The following KIF23 variants were observed in gnomAD, a reference collection of about 807,000 sequenced individuals.
KIF23 encodes the protein kinesin family member 23, also known as kinesin-like protein KIF23.
A neutral mutation model predicts 137.5 loss-of-function variants in KIF23; 30 were observed. That is an observed-to-expected ratio of 0.22 (90% CI 0.16 to 0.30). The LOEUF is 0.30. Among genes scored for constraint, KIF23 ranks in the 10% least tolerant of loss-of-function variants. The pLI is 1.00. For missense variants in KIF23, 920 were observed against 1,194.3 expected (o/e 0.77, Z 3.38); for synonymous variants, 367 against 391.1 (o/e 0.94, Z 0.73).
At position 69,426,158 on chromosome 15, in the gene KIF23, G is replaced by A; in HGVS notation, c.865G>A (p.Glu289Lys). ...CTEVEVKSTE[E>K]AFEVFWRGQK... ...AGAAGTTGAAGTGAAATCTACTGAG[G>A]AGGCTTTTGAAGTTTTCTGGAGAGG... is the stretch of plus-strand genomic sequence containing the variant. The change falls in exon 9 of 24, where the codon GAG (glutamate) becomes AAG (lysine). Residue 289 changes from glutamate to lysine, a missense_variant. Transcript: ENST00000679126. 1 of 1,608,726 alleles carries A rather than the reference G, an allele frequency of 6.2e-7. No individual in the cohort carries two copies. The highest frequency in any genetic ancestry group is 8.5e-7 in the Non-Finnish European group (1 of 1,178,826).
chr15:69,433,699 C>T (rs2057406820), intron 11 of KIF23, among the ~76,000 whole-genome samples: 1 of 152,002 alleles, frequency 6.6e-6, no homozygotes, highest in Admixed American at 6.6e-5. Flanking sequence ...GATCTGCTGC[C>T]TTAGAGAATA....
chr15:69,414,943 C>A (rs188305599), intron 1 of KIF23: 20 of 158,864 alleles, frequency 1.3e-4, no homozygotes, highest in Non-Finnish European at 2.5e-4. Context: ...TTCTGGAGAG[C>A]CCTGGCACCG....
Position 69,440,456 on chromosome 15 carries a change from C to G in KIF23, c.2078C>G (p.Thr693Ser), listed in dbSNP as rs1191426334. Reference sequence around the variant, plus strand: ...CGGGAGCGAGATCGAGAAAAAGTTACTCAAAGATCTGTTTCTCCATCACCT... The same window carrying G: ...CGGGAGCGAGATCGAGAAAAAGTTAGTCAAAGATCTGTTTCTCCATCACCT... ...PSRERDREKV[T>S]QRSVSPSPVP... is the part of the protein sequence containing the mutation. The change falls in exon 18 of 24, where the codon ACT becomes AGT. Residue 693 changes from threonine (T) to serine (S), a missense_variant. This residue lies in a region of KIF23 where 714 missense variants were observed against 866.2 expected (regional missense o/e 0.82). Coordinates refer to ENST00000679126, the MANE Select transcript of KIF23 (RefSeq NM_001367805.3). 1 of 1,612,578 alleles carries G rather than the reference C, an allele frequency of 6.2e-7. No individual in the cohort carries two copies. The highest frequency in any genetic ancestry group is 8.5e-7 in the Non-Finnish European group (1 of 1,179,520).
At chr15:69,443,047 A>G (rs1287258552) in intron 19 of KIF23, among the ~76,000 whole-genome samples, 1 of 152,186 alleles carries the variant, frequency 6.6e-6, no homozygotes, top group Non-Finnish European at 1.5e-5. Context: ...ATGGTAGATG[A>G]TAAGGACCAG....
intron 3 of KIF23, among the ~76,000 whole-genome samples, chr15:69,420,263 CAA>C (rs993915353): frequency 2.1e-5 from 3 of 142,410 alleles, no homozygotes; most frequent in Non-Finnish European, 3.1e-5. Flanking sequence ...GACTCTGTTT[CAA>C]AAAAAAAAAG....
At chr15:69,434,932 T>C in intron 11 of KIF23, 1 of 684,190 alleles carries the variant, frequency 1.5e-6, no homozygotes, top group South Asian at 1.8e-5. Flanking sequence ...AGGTTGCAGC[T>C]GTACGCGGGC....
At chr15:69,440,740 C>A in intron 18 of KIF23, 28 bp from the exon 19 acceptor site, 1 of 1,554,772 alleles carries the variant, frequency 6.4e-7, no homozygotes, top group Non-Finnish European at 8.7e-7. Flanking sequence ...TTCAGTCTTG[C>A]TCATTAATTT....
intron 8 of KIF23, 99 bp downstream of exon 8, chr15:69,425,422 C>A: frequency 9.4e-7 from 1 of 1,062,912 alleles, no homozygotes. Context: ...TTTCCATTGT[C>A]ACTGGGCTGG....
chr15:69,440,642 A>C, intron 18 of KIF23, 126 bp from the exon 19 acceptor site: 1 of 1,123,194 alleles, frequency 8.9e-7, no homozygotes, highest in Non-Finnish European at 1.2e-6. Context: ...CAAATTTAGC[A>C]CAAAAAAATA....
chr15:69,444,920 A>T lies in KIF23; in HGVS notation c.2552A>T (p.His851Leu). The change falls in exon 20 of 24, where the codon CAT (histidine) becomes CTT (leucine). Residue 851 changes from histidine to leucine, a missense_variant. His to Leu is a moderately conservative substitution (Grantham distance 99). Transcript: ENST00000679126. The surrounding 1 kb of genome is among the most constrained non-coding windows in gnomAD (Gnocchi z 4.2). Reference protein sequence around the residue: ...NMQTETVMQPHVPHAITVSVA... With the variant: ...NMQTETVMQPLVPHAITVSVA... ...CAAACTGAAACAGTCATGCAGCCAC[A>T]TGTCCCTCATGCCATCACAGTATCT... 1 of 1,614,178 alleles carries T rather than the reference A, an allele frequency of 6.2e-7. No homozygotes were observed. Among genetic ancestry groups the T allele is most frequent in the Non-Finnish European group, 8.5e-7 (1 of 1,180,026 alleles).
In KIF23 at chr15:69,436,609, C is replaced by T. The variant is rs748902179; in HGVS notation, c.1484C>T (p.Pro495Leu). The T allele has an allele frequency of 1.8e-5, 29 of 1,612,374 alleles. No individual in the cohort carries two copies. In the Middle Eastern group the frequency reaches 1.5e-3, roughly 82 times the overall value. The change falls in exon 15 of 24, where the codon CCA (proline) becomes CTA (leucine). Residue 495 changes from proline to leucine, a missense_variant. Physicochemically the swap from Pro to Leu is moderately conservative, Grantham distance 98. Transcript: ENST00000679126. The stretch of plus-strand genomic sequence containing the variant: ...GTTTTGCAGAGTTTTCCACCTTTGC[C>T]ATCATGCGAAATTTTGGATATCAAC... ...DVVLQSFPPLPSCEILDINDE... is the reference protein window; with the variant it reads ...DVVLQSFPPLLSCEILDINDE...
At chr15:69,435,383 C>G (rs2057452462) in intron 11 of KIF23, 100 bp from the exon 12 acceptor site, 1 of 865,408 alleles carries the variant, frequency 1.2e-6, no homozygotes, top group Non-Finnish European at 1.8e-6. Context: ...TAATTTCTAT[C>G]TAGTAGTTGT....
intron 1 of KIF23, 38 bp downstream of exon 1, chr15:69,414,514 C>T (rs1406917551): frequency 2.0e-6 from 3 of 1,524,372 alleles, no homozygotes; most frequent in East Asian, 2.6e-5. Flanking sequence ...AGAGGGCGGA[C>T]GGGGGCCGAG....
chr15:69,427,832 A>T (rs1250941033), intron 10 of KIF23, among the ~76,000 whole-genome samples: 1 of 152,240 alleles, frequency 6.6e-6, no homozygotes, highest in African/African-American at 2.4e-5. Flanking sequence ...TTGAATGCTC[A>T]TTTCTATTTA....
At chr15:69,420,639 T>G (rs2057030756) in intron 3 of KIF23, among the ~76,000 whole-genome samples, 1 of 152,244 alleles carries the variant, frequency 6.6e-6, no homozygotes, top group Non-Finnish European at 1.5e-5. Flanking sequence ...TAAACTATAG[T>G]ACATCAAAAC....
intron 3 of KIF23, 120 bp from the exon 4 acceptor site, chr15:69,421,527 A>G (rs766301224): frequency 6.3e-6 from 4 of 630,254 alleles, no homozygotes; most frequent in Non-Finnish European, 1.1e-5. Context: ...AAGACCATTT[A>G]TATTTTTTCT....
At chr15:69,423,648 G>A (rs2057117424) in intron 7 of KIF23, among the ~76,000 whole-genome samples, 2 of 152,128 alleles carry the variant, frequency 1.3e-5, no homozygotes, top group Admixed American at 1.3e-4. Flanking sequence ...AATTAAGAAC[G>A]TTTCAAGAAC....
At position 69,447,052 on chromosome 15, in the gene KIF23, G is replaced by C. The variant is rs533818621; in HGVS notation, c.2909+111G>C. The stretch of plus-strand genomic sequence containing the variant: ...ACTTATTCTTCAGAAGAAATATATG[G>C]TTTTGGTTTTCCCCTTGGACTATCT... On this transcript the variant is annotated intron_variant, in intron 23 of 23. Transcript: ENST00000679126. The C allele has an allele frequency of 2.1e-5, 23 of 1,079,878 alleles. No homozygotes were observed. In the African/African-American group the frequency reaches 2.9e-4, roughly 14 times the overall value. 66.9% of individuals were successfully genotyped at this position (1,079,878 alleles called of 1,614,324 possible). A position where few individuals can be genotyped will look rare whatever the true frequency, so the allele number is the denominator to read the frequency against.
In KIF23 at chr15:69,425,268, T is replaced by C; in HGVS notation, c.735-14T>C. The C allele has an allele frequency of 6.5e-7, 1 of 1,535,314 alleles. No individual in the cohort carries two copies. Among genetic ancestry groups the C allele is most frequent in the African/African-American group, 1.4e-5 (1 of 73,182 alleles). ...GCTGTAGAAACAGTAACTTCTACCT[T>C]ATTCCTTTGGTAGGTGGAACAGTTG... On this transcript the variant is annotated splice_polypyrimidine_tract_variant and intron_variant, in intron 7 of 23. Coordinates refer to ENST00000679126, the MANE Select transcript of KIF23 (RefSeq NM_001367805.3).
Sources: gnomAD v4.1 joint callset for allele counts (sites outside exome capture counted in the v4.1 genomes callset) on GRCh38, gnomAD v4.1.1 for gene constraint, gnomAD v4.1.1 regional missense constraint, Gnocchi (gnomAD v3.1) non-coding constraint, MANE v1.5 for transcripts, NCBI Gene and HGNC (gene_info 2026-07-23, HGNC 2026-07-21) for gene names.